Variants in APBB2 observed in about 807,000 individuals in gnomAD.
The protein encoded by APBB2 is Fe65-like 1.
A neutral mutation model predicts 82.5 loss-of-function variants in APBB2; 38 were observed. The ratio of observed to expected loss-of-function variants is 0.46; its 90% CI spans 0.36 to 0.60. The LOEUF (loss-of-function observed/expected upper bound fraction) is 0.60, where lower values mean the gene tolerates loss of function less well. APBB2 is among the 20% of genes least tolerant of loss of function. APBB2 has a pLI of 0.00. For synonymous variants in APBB2, 341 were observed against 368.2 expected (o/e 0.93, Z 0.85); for missense variants, 772 against 972.3 (o/e 0.79, Z 2.74).
intron 7 of APBB2, among the ~76,000 whole-genome samples, chr4:40,943,856 A>C (rs11732440): frequency 0.049 from 7,444 of 152,340 alleles, 367 homozygotes; most frequent in African/African-American, 0.12. Context: ...GGAGAATCTG[A>C]GGTCCAGGCT....
intron 10 of APBB2, among the ~76,000 whole-genome samples, chr4:40,897,518 CA>C (rs796415501): frequency 0.011 from 1,462 of 128,218 alleles, 24 homozygotes; most frequent in African/African-American, 0.035. Context: ...AACTCCGTCT[CA>C]AAAAAAAAAA....
intron 5 of APBB2, among the ~76,000 whole-genome samples, chr4:41,022,894 A>G (rs1712249984): frequency 6.6e-6 from 1 of 152,188 alleles, no homozygotes; most frequent in African/African-American, 2.4e-5. Flanking sequence ...CCTTTCCTTG[A>G]AAAAAAGGAA....
intron 12 of APBB2, among the ~76,000 whole-genome samples, chr4:40,856,423 T>C (rs772562095): frequency 6.6e-6 from 1 of 152,274 alleles, no homozygotes; most frequent in South Asian, 2.1e-4. Flanking sequence ...TGCCAAGAGC[T>C]GGCTGCGTTT....
intron 1 of APBB2, among the ~76,000 whole-genome samples, chr4:41,163,761 C>T (rs1560925857): frequency 6.6e-6 from 1 of 152,146 alleles, no homozygotes; most frequent in African/African-American, 2.4e-5. Flanking sequence ...ATACTCTGGG[C>T]ATGTGAGTCT....
At chr4:41,166,796 T>C (rs534358840) in intron 1 of APBB2, among the ~76,000 whole-genome samples, 2 of 151,452 alleles carry the variant, frequency 1.3e-5, no homozygotes, top group South Asian at 2.1e-4. Context: ...ACTCAGGAGG[T>C]TGATGCAGGA....
chr4:41,119,018 G>A (rs1751985878), intron 2 of APBB2, among the ~76,000 whole-genome samples: 1 of 151,936 alleles, frequency 6.6e-6, no homozygotes, highest in African/African-American at 2.4e-5. Context: ...GCGCACCTGT[G>A]GCCCCAGCTA....
At chr4:41,173,318 G>T (rs1196157553) in intron 1 of APBB2, among the ~76,000 whole-genome samples, 1 of 152,180 alleles carries the variant, frequency 6.6e-6, no homozygotes, top group South Asian at 2.1e-4. Context: ...TTTTTTCAGG[G>T]TGTGTTACAC....
intron 17 of APBB2, among the ~76,000 whole-genome samples, chr4:40,817,687 A>C (rs1452155624): frequency 6.6e-6 from 1 of 152,084 alleles, no homozygotes; most frequent in Non-Finnish European, 1.5e-5. Context: ...TTTTAAAAAA[A>C]ATCAACTTAA....
intron 12 of APBB2, among the ~76,000 whole-genome samples, chr4:40,866,021 T>C (rs2437319): frequency 0.71 from 107,697 of 152,158 alleles, 38,846 homozygotes; most frequent in African/African-American, 0.84. Flanking sequence ...TGCAAAACGG[T>C]GCACCTCCTC....
At chr4:41,074,611 T>A (rs3098913) in intron 3 of APBB2, among the ~76,000 whole-genome samples, 50,582 of 95,306 alleles carry the variant, frequency 0.53, 9,859 homozygotes, top group African/African-American at 0.61. Flanking sequence ...TATTATTATT[T>A]TTTTTTTTTT....
intron 1 of APBB2, among the ~76,000 whole-genome samples, chr4:41,148,858 T>C (rs902177723): frequency 1.3e-5 from 2 of 152,188 alleles, no homozygotes; most frequent in South Asian, 2.1e-4. Flanking sequence ...TCTGCTTTAA[T>C]GGGGCTGACA....
intron 7 of APBB2, among the ~76,000 whole-genome samples, chr4:40,938,703 G>GT (rs1389355516): frequency 6.6e-6 from 1 of 152,174 alleles, no homozygotes; most frequent in Non-Finnish European, 1.5e-5. Context: ...AGAGTGGAGG[G>GT]TTGAACCTGC....
intron 12 of APBB2, chr4:40,849,001 A>G: frequency 1.6e-6 from 1 of 607,150 alleles, no homozygotes; most frequent in Non-Finnish European, 2.1e-6. Context: ...ACTGTCTGGC[A>G]CATAGTAGGC....
At chr4:40,946,926 C>T (rs971224965) in intron 6 of APBB2, among the ~76,000 whole-genome samples, 22 of 152,178 alleles carry the variant, frequency 1.4e-4, no homozygotes, top group African/African-American at 4.1e-4. Context: ...ACTGTGGCCA[C>T]GGATGTGCAT....
At chr4:41,053,778 A>G (rs1353348032) in intron 4 of APBB2, among the ~76,000 whole-genome samples, 5 of 152,234 alleles carry the variant, frequency 3.3e-5, no homozygotes, top group Non-Finnish European at 5.9e-5. Context: ...AGAGGAGTTC[A>G]TTTATTTTGA....
At chr4:41,089,296 A>C (rs1361013748) in intron 3 of APBB2, among the ~76,000 whole-genome samples, 1 of 152,236 alleles carries the variant, frequency 6.6e-6, no homozygotes, top group African/African-American at 2.4e-5. Flanking sequence ...GAATATTTGC[A>C]TTATATAATT....
intron 5 of APBB2, among the ~76,000 whole-genome samples, chr4:41,020,525 G>A (rs754517620): frequency 3.3e-5 from 5 of 152,162 alleles, no homozygotes; most frequent in Non-Finnish European, 5.9e-5. Context: ...GAATCAGGAA[G>A]GAACCATCTA....
rs116718314 is a variant in APBB2, at chr4:41,014,187, C to T, written c.231G>A (p.Ala77=). ...RKKYALTNIQ[A]AMGLSDPAAQ... ...CAGCTGGATCCGAGAGGCCCATGGC[C>T]GCCTGGATGTTAGTTAGTGCATATT... The change falls in exon 6 of 18, where the codon GCG becomes GCA. Residue 77 remains alanine (A), a synonymous_variant. Coordinates refer to ENST00000508593, the MANE Select transcript of APBB2 (RefSeq NM_004307.2). The T allele has an allele frequency of 1.2e-3, 1,993 of 1,614,146 alleles. 12 individuals carry two copies. The African/African-American group carries it at 0.014, about 11-fold the overall frequency.
intron 12 of APBB2, among the ~76,000 whole-genome samples, chr4:40,844,376 G>A (rs886885626): frequency 1.3e-5 from 2 of 152,172 alleles, no homozygotes; most frequent in African/African-American, 2.4e-5. Flanking sequence ...TAAATGGGAC[G>A]ACACGTGTAT....
Sources: gnomAD v4.1 joint callset for allele counts (sites outside exome capture counted in the v4.1 genomes callset) on GRCh38, gnomAD v4.1.1 for gene constraint, MANE v1.5 for transcripts, NCBI Gene and HGNC (gene_info 2026-07-23, HGNC 2026-07-21) for gene names.